Variants in CCDC63 observed in about 807,000 individuals in gnomAD.
CCDC63 encodes the protein coiled-coil domain-containing protein 63.
A neutral mutation model predicts 63.6 loss-of-function variants in CCDC63; 54 were observed. The observed-to-expected ratio is 0.85, with a 90% CI of 0.68 to 1.07. The LOEUF (loss-of-function observed/expected upper bound fraction) is 1.07, where lower values mean the gene tolerates loss of function less well. Among genes scored for constraint, CCDC63 ranks in the 50% least tolerant of loss-of-function variants. The probability of loss-of-function intolerance (pLI) is 0.00; values close to 1 mark genes in which losing one functional copy is unlikely to be tolerated. For synonymous variants in CCDC63, 253 were observed against 266.1 expected (o/e 0.95, Z 0.48); for missense variants, 637 against 689.6 (o/e 0.92, Z 0.86).
chr12:110,862,748 T>C (rs532664843), intron 4 of CCDC63, among the ~76,000 whole-genome samples: 109 of 151,192 alleles, frequency 7.2e-4, no homozygotes, highest in African/African-American at 2.6e-3. Flanking sequence ...TTCTTTTCTT[T>C]TTCTTTTCTT....
intron 9 of CCDC63, among the ~76,000 whole-genome samples, chr12:110,896,501 G>A (rs778071304): frequency 1.3e-5 from 2 of 152,144 alleles, no homozygotes; most frequent in African/African-American, 2.4e-5. Flanking sequence ...GTGTGAATAG[G>A]GCCGACCCCT....
At chr12:110,845,959 CAAAAAAAAAA>C (rs34690976), upstream of CCDC63, 3 of 96,016 alleles carry the variant, frequency 3.1e-5, no homozygotes, top group Admixed American at 2.4e-4. Context: ...AGTAGAAATA[CAAAAAAAAAA>C]AAAAAAAAAA....
chr12:110,865,474 AAAAAAAAAG>A (rs1376110876), intron 4 of CCDC63, among the ~76,000 whole-genome samples: 3 of 151,484 alleles, frequency 2.0e-5, no homozygotes, highest in Admixed American at 6.6e-5. Flanking sequence ...CAAAAAAAAA[AAAAAAAAAG>A]AAAAAAGAAA....
Position 110,904,660 on chromosome 12 carries a change from C to A in CCDC63, c.1415C>A (p.Ala472Glu), listed in dbSNP as rs763052565. ...TYRRILEVEG[A>E]EAEIPPPFIN... ...AGGCGCATCCTGGAAGTGGAAGGGG[C>A]AGAGGCTGAGATCCCGCCACCCTTC... Residue 472 changes from alanine (A) to glutamate (E), a missense_variant, in exon 11 of 12, where the codon GCA becomes GAA. Coordinates refer to ENST00000308208, the MANE Select transcript of CCDC63 (RefSeq NM_152591.3). 4 of 1,613,984 alleles carry A rather than the reference C, an allele frequency of 2.5e-6. No homozygotes were observed. In the African/African-American group the frequency reaches 5.3e-5, roughly 22 times the overall value.
intron 9 of CCDC63, among the ~76,000 whole-genome samples, chr12:110,893,351 A>G (rs1271471625): frequency 6.6e-6 from 1 of 152,140 alleles, no homozygotes; most frequent in Non-Finnish European, 1.5e-5. Flanking sequence ...CTCTGCTACA[A>G]TGTCATTGTG....
intron 9 of CCDC63, among the ~76,000 whole-genome samples, chr12:110,898,125 T>C (rs568172767): frequency 2.0e-4 from 30 of 150,912 alleles, no homozygotes; most frequent in Admixed American, 7.9e-4. Context: ...CTAAAAAAAA[T>C]ACAAAAATTA....
intron 4 of CCDC63, 103 bp from the exon 5 acceptor site, chr12:110,873,739 C>A: frequency 7.1e-7 from 1 of 1,404,994 alleles, no homozygotes; most frequent in Non-Finnish European, 9.7e-7. Flanking sequence ...GAGCTGGTAC[C>A]CATACAGATG....
chr12:110,868,628 G>T (rs2071012300), intron 4 of CCDC63, among the ~76,000 whole-genome samples: 1 of 151,546 alleles, frequency 6.6e-6, no homozygotes, highest in South Asian at 2.1e-4. Context: ...GACTGAGGCA[G>T]GAGAATCATG....
intron 1 of CCDC63, among the ~76,000 whole-genome samples, chr12:110,849,193 A>G (rs1468474637): frequency 2.0e-5 from 3 of 152,188 alleles, no homozygotes; most frequent in African/African-American, 4.8e-5. Flanking sequence ...GGTATGGACC[A>G]TGTCAGTTAG....
chr12:110,866,343 T>C (rs2070948090), intron 4 of CCDC63, among the ~76,000 whole-genome samples: 1 of 150,074 alleles, frequency 6.7e-6, no homozygotes, highest in Non-Finnish European at 1.5e-5. Context: ...TTTTTATTGA[T>C]AATTCTTGGG....
chr12:110,886,957 A>G (rs1451444562), intron 8 of CCDC63, among the ~76,000 whole-genome samples: 1 of 152,098 alleles, frequency 6.6e-6, no homozygotes, highest in Non-Finnish European at 1.5e-5. Flanking sequence ...CTGCAGTCGC[A>G]CAGCATCTCC....
rs115790419 is a variant in CCDC63 at position 110,899,088 on chromosome 12, G to A, written c.1305G>A (p.Thr435=). ...AGATCCTGGTGCAGTTAGGGGAGACGGGGAAAGTCACTGACATCAACCTTC... is the reference window on the plus strand; with the variant it reads ...AGATCCTGGTGCAGTTAGGGGAGACAGGGAAAGTCACTGACATCAACCTTC... ...ATKILVQLGE[T]GKVTDINLPQ... is the part of the protein sequence containing the mutation. The change falls in exon 10 of 12, where the codon ACG becomes ACA. Residue 435 remains threonine, a synonymous_variant. Coordinates refer to ENST00000308208, the MANE Select transcript of CCDC63 (RefSeq NM_152591.3). The A allele has an allele frequency of 2.8e-3, 4,578 of 1,613,154 alleles. 13 individuals carry two copies. Among genetic ancestry groups the A allele is most frequent in the South Asian group, 5.1e-3 (459 of 90,822 alleles).
At position 110,880,092 on chromosome 12, in the gene CCDC63, G is replaced by A. The variant is rs375045529; in HGVS notation, c.671+5G>A. On this transcript the variant is annotated splice_donor_5th_base_variant and intron_variant, in intron 6 of 11. Transcript: ENST00000308208. Reference sequence around the variant, plus strand: ...TTCTCAGGCCTATGAGCAGAGGTGGGCTGGGGATAGGTCCAGGGGCAGCGA... The same window carrying A: ...TTCTCAGGCCTATGAGCAGAGGTGGACTGGGGATAGGTCCAGGGGCAGCGA... The A allele has an allele frequency of 6.2e-7, 1 of 1,613,166 alleles. No homozygotes were observed. Among genetic ancestry groups the A allele is most frequent in the Non-Finnish European group, 8.5e-7 (1 of 1,179,540 alleles).
intron 8 of CCDC63, among the ~76,000 whole-genome samples, chr12:110,887,452 T>C (rs935313048): frequency 2.6e-5 from 4 of 151,392 alleles, no homozygotes; most frequent in Non-Finnish European, 5.9e-5. Context: ...GCTCTATTCT[T>C]ATACAAAATG....
intron 5 of CCDC63, 23 bp downstream of exon 5, chr12:110,873,984 C>A: frequency 6.3e-7 from 1 of 1,598,856 alleles, no homozygotes; most frequent in South Asian, 1.1e-5. Context: ...TTCTCTGCAG[C>A]TCTGCAAACA....
chr12:110,872,838 G>A (rs2071083932), intron 4 of CCDC63, among the ~76,000 whole-genome samples: 1 of 152,124 alleles, frequency 6.6e-6, no homozygotes, highest in African/African-American at 2.4e-5. Context: ...TGTTGTCCAG[G>A]CTGGTCTCAA....
intron 1 of CCDC63, among the ~76,000 whole-genome samples, chr12:110,850,807 G>A (rs2070696537): frequency 6.6e-6 from 1 of 152,124 alleles, no homozygotes; most frequent in Non-Finnish European, 1.5e-5. Context: ...CTCTTTGCTA[G>A]CCACTTTCCA....
Position 110,884,126 on chromosome 12 carries a change from G to A in CCDC63, c.950G>A (p.Gly317Glu). 6.2e-7 allele frequency: 1 copy of A among 1,614,094 alleles called. No homozygotes were observed. The highest frequency in any genetic ancestry group is 8.5e-7 in the Non-Finnish European group (1 of 1,180,010). The change falls in exon 8 of 12, where the codon GGG becomes GAG. Residue 317 changes from glycine to glutamate, a missense_variant. Transcript: ENST00000308208. ...HLRLLKLAES[G>E]NLNQLIEDFL... ...CGGCTGCTGAAGCTGGCTGAGAGTGGGAACCTAAACCAGCTCATTGAAGAT... is the reference window on the plus strand; with the variant it reads ...CGGCTGCTGAAGCTGGCTGAGAGTGAGAACCTAAACCAGCTCATTGAAGAT...
intron 9 of CCDC63, among the ~76,000 whole-genome samples, chr12:110,895,797 A>G (rs746570845): frequency 2.6e-5 from 4 of 152,188 alleles, no homozygotes; most frequent in Non-Finnish European, 5.9e-5. Context: ...TGTAGCTATT[A>G]TTATTGTTGT....
Sources: gnomAD v4.1 joint callset for allele counts (sites outside exome capture counted in the v4.1 genomes callset) on GRCh38, gnomAD v4.1.1 for gene constraint, MANE v1.5 for transcripts, NCBI Gene and HGNC (gene_info 2026-07-23, HGNC 2026-07-21) for gene names.